Variants in ASIC2 observed in about 807,000 individuals in gnomAD.
ASIC2 encodes acid sensing ion channel subunit 2, also known as acid-sensing ion channel 2.
A neutral mutation model predicts 57.3 loss-of-function variants in ASIC2; 25 were observed. That is an observed-to-expected ratio of 0.44 (90% CI 0.32 to 0.61). The LOEUF is 0.61. ASIC2 is among the 20% of genes least tolerant of loss of function. ASIC2 has a pLI of 0.06. For synonymous variants in ASIC2, 319 were observed against 307.5 expected (o/e 1.04, Z -0.39); for missense variants, 641 against 738.1 (o/e 0.87, Z 1.52).
At chr17:33,814,514 T>A (rs1419460483) in intron 1 of ASIC2, among the ~76,000 whole-genome samples, 1 of 152,218 alleles carries the variant, frequency 6.6e-6, no homozygotes, top group Non-Finnish European at 1.5e-5. Flanking sequence ...CAGCTAACAA[T>A]GTTGCCATAA....
chr17:33,902,242 T>C (rs1915245638), intron 1 of ASIC2, among the ~76,000 whole-genome samples: 1 of 152,210 alleles, frequency 6.6e-6, no homozygotes, highest in African/African-American at 2.4e-5. Context: ...CCAATTATTT[T>C]GTAAGCTACC....
intron 1 of ASIC2, among the ~76,000 whole-genome samples, chr17:33,806,731 A>G (rs1912277891): frequency 6.6e-6 from 1 of 152,168 alleles, no homozygotes; most frequent in Non-Finnish European, 1.5e-5. Flanking sequence ...GTCTCACACC[A>G]AAAGAGCTTC....
intron 1 of ASIC2, among the ~76,000 whole-genome samples, chr17:33,226,395 G>C (rs1400270547): frequency 6.6e-6 from 1 of 152,128 alleles, no homozygotes; most frequent in Non-Finnish European, 1.5e-5. Flanking sequence ...ATGAATAGGA[G>C]TTTTTTAGGT....
intron 1 of ASIC2, among the ~76,000 whole-genome samples, chr17:33,819,702 G>A (rs567176983): frequency 4.6e-5 from 7 of 152,196 alleles, no homozygotes; most frequent in Non-Finnish European, 7.3e-5. Context: ...ATCAGTGCTC[G>A]TGCCAAGCAA....
intron 1 of ASIC2, among the ~76,000 whole-genome samples, chr17:33,656,845 G>A (rs368984928): frequency 6.6e-6 from 1 of 152,142 alleles, no homozygotes; most frequent in Admixed American, 6.5e-5. Context: ...CAATAACCCC[G>A]AGTGTTGCTG....
chr17:34,147,570 G>T (rs1224844855), intron 1 of ASIC2, among the ~76,000 whole-genome samples: 2 of 152,140 alleles, frequency 1.3e-5, no homozygotes, highest in East Asian at 3.8e-4. Flanking sequence ...TCTGAGCATT[G>T]GAGACAGCTG....
At chr17:33,210,319 A>T (rs1907222713) in intron 1 of ASIC2, among the ~76,000 whole-genome samples, 1 of 152,226 alleles carries the variant, frequency 6.6e-6, no homozygotes, top group African/African-American at 2.4e-5. Flanking sequence ...CTCTGAGCTG[A>T]GCCTACTTCC....
intron 1 of ASIC2, among the ~76,000 whole-genome samples, chr17:33,696,436 G>T (rs1192327540): frequency 6.6e-6 from 1 of 152,172 alleles, no homozygotes; most frequent in Non-Finnish European, 1.5e-5. Context: ...ACACTTAAAG[G>T]GCTGATAAGG....
chr17:33,335,470 G>A (rs549548262), intron 1 of ASIC2, among the ~76,000 whole-genome samples: 7 of 152,296 alleles, frequency 4.6e-5, no homozygotes, highest in African/African-American at 1.4e-4. Flanking sequence ...AGGGAATGTC[G>A]CAGAGATTGT....
At chr17:33,857,235 A>G (rs1399624770) in intron 1 of ASIC2, among the ~76,000 whole-genome samples, 1 of 152,194 alleles carries the variant, frequency 6.6e-6, no homozygotes, top group Non-Finnish European at 1.5e-5. Context: ...TATCTTGACT[A>G]GAACTCTAAA....
At chr17:33,634,711 T>C (rs1906295454) in intron 1 of ASIC2, 1 of 35,140 alleles carries the variant, frequency 2.8e-5, no homozygotes, top group Non-Finnish European at 6.6e-5. Context: ...TCTTTCTTTC[T>C]TTTTTTTTTT....
intron 1 of ASIC2, among the ~76,000 whole-genome samples, chr17:33,830,505 C>A (rs1399052703): frequency 1.3e-5 from 2 of 151,778 alleles, no homozygotes; most frequent in African/African-American, 4.8e-5. Flanking sequence ...ATTATATTTT[C>A]TTATGGCGTC....
Position 34,007,350 on chromosome 17 carries a change from C to T in ASIC2, c.555+148628G>A, listed in dbSNP as rs77250651. On this transcript the variant is annotated intron_variant, in intron 1 of 9. Coordinates refer to the ASIC2 transcript ENST00000359872. Reference sequence around the variant, plus strand: ...AACTTCACTGTTGCTAAACTACTCACCCTGGGGAGGTGAATGTGCTTGTGA... The same window carrying T: ...AACTTCACTGTTGCTAAACTACTCATCCTGGGGAGGTGAATGTGCTTGTGA... Among the ~76,000 whole-genome samples the T allele has an allele frequency of 2.5e-3, 384 of 152,336 alleles. 2 individuals carry two copies. The highest frequency in any genetic ancestry group is 8.7e-3 in the African/African-American group (362 of 41,586).
chr17:33,693,751 C>G (rs1467392412), intron 1 of ASIC2, among the ~76,000 whole-genome samples: 3 of 152,132 alleles, frequency 2.0e-5, no homozygotes. Context: ...TATAAAGAGC[C>G]ATGGAAGACT....
chr17:33,343,625 G>A (rs138299604), intron 1 of ASIC2, among the ~76,000 whole-genome samples: 325 of 152,246 alleles, frequency 2.1e-3, no homozygotes, highest in Middle Eastern at 0.014. Context: ...GGTTGACATG[G>A]CTTTGGGTAT....
At chr17:34,031,489 G>A (rs1196080709) in intron 1 of ASIC2, among the ~76,000 whole-genome samples, 1 of 152,212 alleles carries the variant, frequency 6.6e-6, no homozygotes, top group Non-Finnish European at 1.5e-5. Flanking sequence ...CTCCTCACCA[G>A]CAATGGAACA....
At chr17:33,938,013 G>A (rs1189537634) in intron 1 of ASIC2, among the ~76,000 whole-genome samples, 1 of 152,216 alleles carries the variant, frequency 6.6e-6, no homozygotes, top group African/African-American at 2.4e-5. Flanking sequence ...AATCTCCTGG[G>A]AAGAATCAGT....
intron 1 of ASIC2, among the ~76,000 whole-genome samples, chr17:33,490,876 C>A (rs1013764062): frequency 6.6e-6 from 1 of 152,200 alleles, no homozygotes; most frequent in Admixed American, 6.5e-5. Flanking sequence ...AATCAAAATT[C>A]TGTCCCTGTT....
intron 1 of ASIC2, among the ~76,000 whole-genome samples, chr17:33,722,315 T>C (rs1419021266): frequency 2.0e-5 from 3 of 152,230 alleles, no homozygotes; most frequent in African/African-American, 7.2e-5. Flanking sequence ...CCCAGCCATA[T>C]GGAACTGTGA....
Sources: gnomAD v4.1 joint callset for allele counts (sites outside exome capture counted in the v4.1 genomes callset) on GRCh38, gnomAD v4.1.1 for gene constraint, MANE v1.5 for transcripts, NCBI Gene and HGNC (gene_info 2026-07-23, HGNC 2026-07-21) for gene names.